Variants in KCNIP4 observed in about 807,000 individuals in gnomAD.
KCNIP4 encodes Kv channel-interacting protein 4.
KCNIP4 carries 12 observed loss-of-function variants against 34.0 expected under a neutral mutation model. The observed-to-expected ratio is 0.35, with a 90% CI of 0.23 to 0.57. KCNIP4 has a LOEUF of 0.57. KCNIP4 is among the 20% of genes least tolerant of loss of function. The pLI is 0.83. For synonymous variants in KCNIP4, 124 were observed against 102.2 expected, an observed-to-expected ratio of 1.21 and a Z score of -1.29; for missense variants, 238 against 311.7, an observed-to-expected ratio of 0.76 and a Z score of 1.78.
At chr4:21,452,581 G>C (rs1230956974) in intron 1 of KCNIP4, among the ~76,000 whole-genome samples, 1 of 151,968 alleles carries the variant, frequency 6.6e-6, no homozygotes, top group East Asian at 1.9e-4. Flanking sequence ...ACTTAAAACA[G>C]CCCTTAGCAC....
At chr4:21,860,906 T>C (rs1297408394) in intron 1 of KCNIP4, among the ~76,000 whole-genome samples, 1 of 152,126 alleles carries the variant, frequency 6.6e-6, no homozygotes, top group East Asian at 1.9e-4. Context: ...AATTCTGAAA[T>C]TTTTTTCTTA....
At chr4:21,369,707 C>A (rs1186567736) in intron 1 of KCNIP4, among the ~76,000 whole-genome samples, 1 of 147,018 alleles carries the variant, frequency 6.8e-6, no homozygotes. Context: ...CCAATGAGAA[C>A]TATTATTACC....
intron 1 of KCNIP4, among the ~76,000 whole-genome samples, chr4:21,557,583 G>T (rs1014005008): frequency 6.6e-6 from 1 of 152,106 alleles, no homozygotes; most frequent in Non-Finnish European, 1.5e-5. Context: ...GCGTCATGGG[G>T]TTATGGAAGA....
chr4:20,968,491 A>T (rs1450127780), intron 1 of KCNIP4, among the ~76,000 whole-genome samples: 1 of 152,142 alleles, frequency 6.6e-6, no homozygotes, highest in East Asian at 1.9e-4. Flanking sequence ...TGTTTATTGC[A>T]GCACTATTCA....
chr4:21,282,859 A>T (rs1387991243), intron 1 of KCNIP4, among the ~76,000 whole-genome samples: 3 of 152,094 alleles, frequency 2.0e-5, no homozygotes, highest in Non-Finnish European at 4.4e-5. Context: ...CTGCTGCCTC[A>T]CTTTCAGCGG....
chr4:21,553,210 A>G (rs1307332135), intron 1 of KCNIP4, among the ~76,000 whole-genome samples: 1 of 152,122 alleles, frequency 6.6e-6, no homozygotes, highest in Non-Finnish European at 1.5e-5. Flanking sequence ...AGAGTTGTTT[A>G]TTGCAGAAAG....
chr4:20,819,967 A>G (rs1291160538), intron 3 of KCNIP4, among the ~76,000 whole-genome samples: 2 of 152,228 alleles, frequency 1.3e-5, no homozygotes, highest in African/African-American at 4.8e-5. Context: ...GCATTTTGTT[A>G]TAGCACCAGG....
intron 1 of KCNIP4, among the ~76,000 whole-genome samples, chr4:21,445,678 A>G (rs1220257919): frequency 2.6e-5 from 4 of 152,218 alleles, no homozygotes; most frequent in Admixed American, 6.5e-5. Flanking sequence ...ACCCTAGAAG[A>G]AAACCTAGGC....
intron 1 of KCNIP4, chr4:21,844,860 C>T (rs1203744614): frequency 6.7e-6 from 1 of 149,454 alleles, no homozygotes; most frequent in East Asian, 2.0e-4. Flanking sequence ...AAACTTGTCA[C>T]AAAAAAGAGA....
chr4:21,449,683 C>T (rs1292004489), intron 1 of KCNIP4, among the ~76,000 whole-genome samples: 1 of 151,032 alleles, frequency 6.6e-6, no homozygotes, highest in Non-Finnish European at 1.5e-5. Context: ...AGTTATTTGT[C>T]TCCCTCACCA....
intron 1 of KCNIP4, among the ~76,000 whole-genome samples, chr4:21,117,591 C>G (rs139999883): frequency 6.6e-6 from 1 of 152,078 alleles, no homozygotes; most frequent in Non-Finnish European, 1.5e-5. Flanking sequence ...TGCTCTTTCC[C>G]GGAGAGAGGC....
At chr4:20,747,872 T>G (rs1423976596) in intron 5 of KCNIP4, among the ~76,000 whole-genome samples, 1 of 152,132 alleles carries the variant, frequency 6.6e-6, no homozygotes, top group Admixed American at 6.6e-5. Context: ...TCATCTTGAC[T>G]CCACAAAGCC....
chr4:21,066,447 T>C (rs971884175), intron 1 of KCNIP4, among the ~76,000 whole-genome samples: 2 of 152,152 alleles, frequency 1.3e-5, no homozygotes. Flanking sequence ...TCACATCATA[T>C]TGAGGAAAGA....
At chr4:21,465,775 G>T (rs971954411) in intron 1 of KCNIP4, among the ~76,000 whole-genome samples, 2 of 152,150 alleles carry the variant, frequency 1.3e-5, no homozygotes, top group African/African-American at 4.8e-5. Flanking sequence ...TCCAAGAGTG[G>T]TAGCTTAAAA....
At chr4:20,829,356 T>C (rs965703995) in intron 3 of KCNIP4, among the ~76,000 whole-genome samples, 2 of 152,074 alleles carry the variant, frequency 1.3e-5, no homozygotes, top group African/African-American at 2.4e-5. Context: ...TATAGGCGCC[T>C]GCCACCATGC....
intron 1 of KCNIP4, among the ~76,000 whole-genome samples, chr4:21,684,584 T>C (rs1186420463): frequency 6.6e-6 from 1 of 152,168 alleles, no homozygotes; most frequent in Non-Finnish European, 1.5e-5. Flanking sequence ...GTTATTGTAG[T>C]TTAAAAATTT....
At chr4:21,207,590 G>T (rs1200381332) in intron 1 of KCNIP4, among the ~76,000 whole-genome samples, 1 of 152,038 alleles carries the variant, frequency 6.6e-6, no homozygotes, top group Admixed American at 6.6e-5. Context: ...TCTAGACTAG[G>T]CTAACTGCCC....
chr4:21,415,196 G>A (rs184567443), intron 1 of KCNIP4, among the ~76,000 whole-genome samples: 8 of 152,102 alleles, frequency 5.3e-5, no homozygotes, highest in Non-Finnish European at 8.8e-5. Context: ...TACAGTTACA[G>A]AAAGACAAAT....
intron 3 of KCNIP4, among the ~76,000 whole-genome samples, chr4:20,776,664 T>C (rs1277657992): frequency 2.0e-5 from 3 of 152,238 alleles, no homozygotes; most frequent in Non-Finnish European, 4.4e-5. Context: ...GTTAGGAAAT[T>C]ATTTAATTCT....
Sources: gnomAD v4.1 joint callset for allele counts (sites outside exome capture counted in the v4.1 genomes callset) on GRCh38, gnomAD v4.1.1 for gene constraint, MANE v1.5 for transcripts, NCBI Gene and HGNC (gene_info 2026-07-23, HGNC 2026-07-21) for gene names.